Variants in KCNH5 observed in about 807,000 individuals in gnomAD.
KCNH5 encodes voltage-gated delayed rectifier potassium channel KCNH5.
In KCNH5, 46 loss-of-function variants were observed where a neutral mutation model predicts 96.1. The ratio of observed to expected loss-of-function variants is 0.48; its 90% CI spans 0.38 to 0.61. KCNH5 has a LOEUF of 0.61. Ranked by LOEUF, KCNH5 falls within the 20% of genes least tolerant of loss-of-function variation. The pLI, the probability that KCNH5 is intolerant of heterozygous loss-of-function variation, is 0.00. For missense variants in KCNH5, 907 were observed against 1,225.8 expected, an observed-to-expected ratio of 0.74 and a Z score of 3.88; for synonymous variants, 439 against 449.8, an observed-to-expected ratio of 0.98 and a Z score of 0.30.
chr14:62,760,345 C>T (rs1429662617), intron 10 of KCNH5, among the ~76,000 whole-genome samples: 1 of 152,142 alleles, frequency 6.6e-6, no homozygotes, highest in Non-Finnish European at 1.5e-5. Context: ...ATAATCATAC[C>T]TAACACGGTC....
intron 7 of KCNH5, among the ~76,000 whole-genome samples, chr14:62,860,272 G>C (rs1820616361): frequency 6.6e-6 from 1 of 152,194 alleles, no homozygotes; most frequent in African/African-American, 2.4e-5. Context: ...ATGGGGGCCT[G>C]CCAAAGGCTC....
chr14:62,879,133 G>C (rs1888442412), intron 7 of KCNH5, among the ~76,000 whole-genome samples: 1 of 152,056 alleles, frequency 6.6e-6, no homozygotes, highest in Admixed American at 6.6e-5. Context: ...TTAGTAATCA[G>C]TTTAATAGAA....
intron 9 of KCNH5, among the ~76,000 whole-genome samples, chr14:62,788,762 G>A (rs1327213569): frequency 1.3e-5 from 2 of 152,076 alleles, no homozygotes. Flanking sequence ...TGAAGGCTCA[G>A]ATGATCATTA....
chr14:62,935,714 G>A (rs899802086), intron 7 of KCNH5, among the ~76,000 whole-genome samples: 6 of 152,234 alleles, frequency 3.9e-5, no homozygotes, highest in South Asian at 4.2e-4. Context: ...GAGACACTGT[G>A]CCAGTTTAAA....
In KCNH5 at chr14:62,967,412, A is replaced by G. The variant is rs115165121; in HGVS notation, c.942+13460T>C. ...TTTCTAAACATAAGTAATATTGCCT[A>G]GAAACATAAATGACATGTTCCCTTC... On this transcript the variant is annotated intron_variant, in intron 6 of 10. Transcript: ENST00000322893. Among the ~76,000 whole-genome samples, 1,435 of 152,050 alleles carry G rather than the reference A, an allele frequency of 9.4e-3. 20 individuals are homozygous for G. Among genetic ancestry groups the G allele is most frequent in the African/African-American group, 0.033 (1,355 of 41,484 alleles).
In KCNH5 at chr14:62,707,280, G is replaced by A. The variant is rs930471145; in HGVS notation, c.*228C>T. On this transcript the variant is annotated 3_prime_UTR_variant, in exon 11 of 11. Coordinates refer to ENST00000322893, the MANE Select transcript of KCNH5 (RefSeq NM_139318.5). ...TATAGAATAGAGATTATAAATAAAT[G>A]TAAAGTGTGCATGCAGTCAACTGCA... 2 of 265,110 alleles carry A rather than the reference G, an allele frequency of 7.5e-6. No individual in the cohort carries two copies. The highest frequency in any genetic ancestry group is 4.4e-5 in the African/African-American group (2 of 45,432). The allele number at this position is 265,110 out of a possible 1,614,324, so 16.4% of individuals were successfully genotyped here. A position where few individuals can be genotyped will look rare whatever the true frequency, so the allele number is the denominator to read the frequency against.
intron 7 of KCNH5, among the ~76,000 whole-genome samples, chr14:62,931,289 AG>A (rs1889576406): frequency 6.6e-6 from 1 of 152,132 alleles, no homozygotes; most frequent in South Asian, 2.1e-4. Flanking sequence ...AATGGTAAAT[AG>A]CAATGGGAAA....
At chr14:62,904,079 C>A (rs1888981739) in intron 7 of KCNH5, among the ~76,000 whole-genome samples, 1 of 152,118 alleles carries the variant, frequency 6.6e-6, no homozygotes, top group Admixed American at 6.5e-5. Flanking sequence ...TATTCCAAGA[C>A]CATACCTGAT....
chr14:62,976,656 G>A (rs1890506108), intron 6 of KCNH5, among the ~76,000 whole-genome samples: 1 of 152,042 alleles, frequency 6.6e-6, no homozygotes, highest in South Asian at 2.1e-4. Flanking sequence ...GGACAGAGAA[G>A]GTGTATGAAA....
intron 2 of KCNH5, among the ~76,000 whole-genome samples, chr14:63,013,489 T>A (rs1004371715): frequency 6.6e-6 from 1 of 152,188 alleles, no homozygotes; most frequent in Non-Finnish European, 1.5e-5. Context: ...CAAATACTTA[T>A]CTCCATATTC....
At chr14:62,827,446 C>T (rs1390139609) in intron 8 of KCNH5, among the ~76,000 whole-genome samples, 3 of 152,126 alleles carry the variant, frequency 2.0e-5, no homozygotes, top group Admixed American at 2.0e-4. Flanking sequence ...ACTGTCATAA[C>T]AGAATCATCG....
intron 9 of KCNH5, among the ~76,000 whole-genome samples, chr14:62,800,729 T>C (rs1285229571): frequency 2.0e-5 from 3 of 152,192 alleles, no homozygotes; most frequent in African/African-American, 7.2e-5. Context: ...AGTGTGTATG[T>C]ATCCTCTTCT....
At chr14:62,836,921 A>T (rs1887476767) in intron 8 of KCNH5, among the ~76,000 whole-genome samples, 1 of 152,150 alleles carries the variant, frequency 6.6e-6, no homozygotes, top group Admixed American at 6.6e-5. Flanking sequence ...AATCCTAAAA[A>T]TCAGAATCAA....
At chr14:62,919,441 A>T (rs1386680624) in intron 7 of KCNH5, among the ~76,000 whole-genome samples, 1 of 152,202 alleles carries the variant, frequency 6.6e-6, no homozygotes, top group East Asian at 1.9e-4. Flanking sequence ...ATAAAACGAA[A>T]TTGGAACATT....
At chr14:62,710,000 C>T (rs1884534356) in intron 10 of KCNH5, among the ~76,000 whole-genome samples, 1 of 152,160 alleles carries the variant, frequency 6.6e-6, no homozygotes, top group Non-Finnish European at 1.5e-5. Flanking sequence ...TAACCCATAA[C>T]AGACACTCAG....
intron 10 of KCNH5, among the ~76,000 whole-genome samples, chr14:62,727,156 G>A (rs1366464274): frequency 2.0e-5 from 3 of 152,150 alleles, no homozygotes; most frequent in Non-Finnish European, 4.4e-5. Flanking sequence ...CTTGAGGTCA[G>A]GAGTTTGAGA....
chr14:62,998,171 C>A (rs956507775), intron 4 of KCNH5, among the ~76,000 whole-genome samples: 5 of 152,120 alleles, frequency 3.3e-5, no homozygotes, highest in African/African-American at 9.7e-5. Context: ...AAATAAAGCA[C>A]AAATGAAGTT....
chr14:62,880,187 A>G (rs1888464234), intron 7 of KCNH5, among the ~76,000 whole-genome samples: 2 of 152,154 alleles, frequency 1.3e-5, no homozygotes, highest in Admixed American at 1.3e-4. Flanking sequence ...TTTATTAGCA[A>G]CCATTACATA....
intron 10 of KCNH5, among the ~76,000 whole-genome samples, chr14:62,726,709 C>T (rs550288165): frequency 6.6e-6 from 1 of 152,162 alleles, no homozygotes; most frequent in African/African-American, 2.4e-5. Flanking sequence ...TCTACTAAAG[C>T]TGAAGATATA....
Sources: allele counts gnomAD v4.1 joint callset (sites outside exome capture counted in the v4.1 genomes callset), GRCh38; gene constraint gnomAD v4.1.1; transcripts MANE v1.5; gene names NCBI Gene and HGNC (gene_info 2026-07-23, HGNC 2026-07-21).